Variants in WDPCP observed in about 807,000 individuals in gnomAD.
WDPCP encodes the protein WD repeat containing planar cell polarity effector.
In WDPCP, 71 loss-of-function variants were observed where a neutral mutation model predicts 93.1. That is an observed-to-expected ratio of 0.76 (90% CI 0.63 to 0.93). WDPCP has a LOEUF of 0.93. WDPCP is among the 40% of genes least tolerant of loss of function. The pLI is 0.00. For missense variants in WDPCP, 844 were observed against 887.4 expected (o/e 0.95, Z 0.62); for synonymous variants, 315 against 315.0 (o/e 1.00, Z 0.00).
intron 3 of WDPCP, among the ~76,000 whole-genome samples, chr2:63,610,545 A>T (rs1709603731): frequency 6.6e-6 from 1 of 152,160 alleles, no homozygotes; most frequent in East Asian, 1.9e-4. Context: ...AGGGAAAAAA[A>T]TACACATATT....
chr2:63,344,326 AC>A (rs1454219294), intron 12 of WDPCP, among the ~76,000 whole-genome samples: 1 of 152,174 alleles, frequency 6.6e-6, no homozygotes, highest in African/African-American at 2.4e-5. Flanking sequence ...ATCCTGAAGC[AC>A]AATAACAAAT....
At chr2:63,621,997 A>G (rs1221541476) in intron 3 of WDPCP, among the ~76,000 whole-genome samples, 1 of 150,948 alleles carries the variant, frequency 6.6e-6, no homozygotes, top group African/African-American at 2.4e-5. Context: ...ATCTAGCATT[A>G]GGTATATCTC....
chr2:63,212,627 T>C (rs1252943538), intron 14 of WDPCP, among the ~76,000 whole-genome samples: 1 of 152,130 alleles, frequency 6.6e-6, no homozygotes, highest in African/African-American at 2.4e-5. Context: ...ATATTAACCT[T>C]ACATGTAAAT....
At chr2:63,154,600 A>G (rs1270389783) in intron 15 of WDPCP, among the ~76,000 whole-genome samples, 2 of 152,184 alleles carry the variant, frequency 1.3e-5, no homozygotes, top group Non-Finnish European at 1.5e-5. Flanking sequence ...AACTGCTACA[A>G]GCATTCATGT....
chr2:63,816,698 A>G (rs973488866), intron 1 of WDPCP, among the ~76,000 whole-genome samples: 9 of 152,294 alleles, frequency 5.9e-5, no homozygotes, highest in Admixed American at 4.6e-4. Flanking sequence ...TTAAGCCACC[A>G]CGTTTGTAGT....
intron 9 of WDPCP, among the ~76,000 whole-genome samples, chr2:63,414,629 G>A (rs934893660): frequency 6.6e-6 from 1 of 152,140 alleles, no homozygotes; most frequent in Non-Finnish European, 1.5e-5. Context: ...CTCAAGAATG[G>A]AAAACCAAAA....
At chr2:63,294,052 G>A (rs2105036148) in intron 13 of WDPCP, among the ~76,000 whole-genome samples, 1 of 152,296 alleles carries the variant, frequency 6.6e-6, no homozygotes, top group East Asian at 1.9e-4. Context: ...AACCCACTGT[G>A]AGACACATTA....
At chr2:63,340,837 G>T (rs1688783443) in intron 12 of WDPCP, among the ~76,000 whole-genome samples, 1 of 152,096 alleles carries the variant, frequency 6.6e-6, no homozygotes, top group African/African-American at 2.4e-5. Flanking sequence ...AGTTAAGGCA[G>T]CTTGCATTTA....
At chr2:63,291,964 T>A (rs924375632) in intron 13 of WDPCP, among the ~76,000 whole-genome samples, 35 of 151,662 alleles carry the variant, frequency 2.3e-4, no homozygotes, top group African/African-American at 8.2e-4. Flanking sequence ...AAACCCCGTC[T>A]GTACTAAAAA....
intron 1 of WDPCP, among the ~76,000 whole-genome samples, chr2:63,523,804 G>A (rs907285005): frequency 5.3e-5 from 8 of 152,132 alleles, no homozygotes; most frequent in East Asian, 1.9e-4. Context: ...CCAGCTACTC[G>A]GGAGGCTGAG....
intron 12 of WDPCP, among the ~76,000 whole-genome samples, chr2:63,349,031 G>C (rs1239623095): frequency 1.3e-5 from 2 of 152,170 alleles, no homozygotes; most frequent in Admixed American, 6.5e-5. Flanking sequence ...CTACAACCGA[G>C]TTCTCCTGTT....
At chr2:63,290,848 T>C (rs1684366813) in intron 13 of WDPCP, among the ~76,000 whole-genome samples, 1 of 152,088 alleles carries the variant, frequency 6.6e-6, no homozygotes, top group South Asian at 2.1e-4. Context: ...TTCCTGGGTA[T>C]TTTAAAGATT....
chr2:63,165,753 C>G (rs1031024401), intron 15 of WDPCP, among the ~76,000 whole-genome samples: 1 of 150,990 alleles, frequency 6.6e-6, no homozygotes, highest in Non-Finnish European at 1.5e-5. Context: ...GCGAAGTAGT[C>G]TCTTATGATT....
chr2:63,720,484 A>G (rs992129426), intron 2 of WDPCP, among the ~76,000 whole-genome samples: 2 of 152,032 alleles, frequency 1.3e-5, no homozygotes, highest in South Asian at 2.1e-4. Flanking sequence ...AAAAAAATCA[A>G]TTCTCAAGGC....
intron 14 of WDPCP, among the ~76,000 whole-genome samples, chr2:63,250,163 A>C (rs1194349224): frequency 1.3e-5 from 2 of 152,154 alleles, no homozygotes; most frequent in African/African-American, 4.8e-5. Context: ...TAAGTAAAAT[A>C]CAGGTTGCGT....
intron 14 of WDPCP, among the ~76,000 whole-genome samples, chr2:63,252,280 C>A (rs899791891): frequency 4.6e-5 from 7 of 152,162 alleles, no homozygotes; most frequent in African/African-American, 1.7e-4. Flanking sequence ...ATAGAAGGAA[C>A]AGACCTCAAA....
intron 3 of WDPCP, chr2:63,643,720 G>C (rs1026192908): frequency 2.0e-5 from 10 of 509,922 alleles, no homozygotes; most frequent in Non-Finnish European, 4.0e-5. Flanking sequence ...ATGAACAGCA[G>C]AGTGACCCTT....
chr2:63,170,159 G>A (rs1461003814), intron 15 of WDPCP, among the ~76,000 whole-genome samples: 1 of 151,420 alleles, frequency 6.6e-6, no homozygotes, highest in Non-Finnish European at 1.5e-5. Flanking sequence ...CTCCCAAAGT[G>A]TTTGGATTAC....
At chr2:63,430,334 C>A (rs1696648587) in intron 9 of WDPCP, among the ~76,000 whole-genome samples, 1 of 152,040 alleles carries the variant, frequency 6.6e-6, no homozygotes, top group South Asian at 2.1e-4. Flanking sequence ...CTGCAATATA[C>A]CTTTGTTAAC....
Sources: gnomAD v4.1 joint callset for allele counts (sites outside exome capture counted in the v4.1 genomes callset) on GRCh38, gnomAD v4.1.1 for gene constraint, MANE v1.5 for transcripts, NCBI Gene and HGNC (gene_info 2026-07-23, HGNC 2026-07-21) for gene names.